TSPAN5: variants seen among roughly 807,000 people sequenced by gnomAD.
The protein encoded by TSPAN5 is tetraspanin-5.
TSPAN5 carries 10 observed loss-of-function variants against 37.1 expected under a neutral mutation model. The ratio of observed to expected loss-of-function variants is 0.27; its 90% CI spans 0.17 to 0.46. The LOEUF (loss-of-function observed/expected upper bound fraction) is 0.46. TSPAN5 is among the 20% of genes least tolerant of loss of function. TSPAN5 has a pLI of 1.00. For missense variants in TSPAN5, 195 were observed against 326.6 expected, an observed-to-expected ratio of 0.60 and a Z score of 3.11; for synonymous variants, 110 against 118.9, an observed-to-expected ratio of 0.93 and a Z score of 0.48.
At chr4:98,523,047 CTTTTA>C (rs1388594898) in intron 1 of TSPAN5, among the ~76,000 whole-genome samples, 1 of 152,160 alleles carries the variant, frequency 6.6e-6, no homozygotes, top group Non-Finnish European at 1.5e-5. Flanking sequence ...ACAAATCATT[CTTTTA>C]TATGTTCTTT....
chr4:98,520,410 T>C (rs1044262978), intron 1 of TSPAN5, among the ~76,000 whole-genome samples: 3 of 152,296 alleles, frequency 2.0e-5, no homozygotes, highest in Non-Finnish European at 4.4e-5. Flanking sequence ...CTAGGTAAGA[T>C]GAGTTGGGAG....
At chr4:98,557,244 G>A (rs1372235880) in intron 1 of TSPAN5, among the ~76,000 whole-genome samples, 2 of 152,092 alleles carry the variant, frequency 1.3e-5, no homozygotes, top group African/African-American at 2.4e-5. Flanking sequence ...AATACAAATA[G>A]GTCTGTGGTC....
chr4:98,569,589 T>C (rs1755076371), intron 1 of TSPAN5, among the ~76,000 whole-genome samples: 1 of 152,192 alleles, frequency 6.6e-6, no homozygotes, highest in East Asian at 1.9e-4. Flanking sequence ...CAGTGTAAAC[T>C]AGAGTAGAGG....
chr4:98,550,935 TG>T (rs1173740622), intron 1 of TSPAN5, among the ~76,000 whole-genome samples: 1 of 152,202 alleles, frequency 6.6e-6, no homozygotes, highest in Non-Finnish European at 1.5e-5. Flanking sequence ...GTCATGAAAG[TG>T]GGCATGCTTC....
intron 1 of TSPAN5, among the ~76,000 whole-genome samples, chr4:98,594,235 CTGTT>C (rs1300901646): frequency 1.5e-5 from 2 of 132,518 alleles, no homozygotes; most frequent in East Asian, 2.1e-4. Context: ...ATTTGGCTCT[CTGTT>C]TGTCTGTTGT....
intron 1 of TSPAN5, among the ~76,000 whole-genome samples, chr4:98,561,316 A>C (rs1754878272): frequency 6.6e-6 from 1 of 152,260 alleles, no homozygotes; most frequent in African/African-American, 2.4e-5. Flanking sequence ...TTGGGAGGCC[A>C]AGGTGGGCGG....
chr4:98,493,456 A>C (rs536305796), intron 2 of TSPAN5, among the ~76,000 whole-genome samples: 13 of 152,340 alleles, frequency 8.5e-5, no homozygotes, highest in African/African-American at 3.1e-4. Context: ...AACGGGCCAC[A>C]CACAGTTATT....
chr4:98,579,395 T>C (rs9999318), intron 1 of TSPAN5, among the ~76,000 whole-genome samples: 2,777 of 152,244 alleles, frequency 0.018, 78 homozygotes, highest in African/African-American at 0.064. Flanking sequence ...ACTATTCTTT[T>C]AGGTGGACAG....
chr4:98,607,045 G>A (rs1269821194), intron 1 of TSPAN5, among the ~76,000 whole-genome samples: 1 of 152,058 alleles, frequency 6.6e-6, no homozygotes, highest in Non-Finnish European at 1.5e-5. Context: ...GCAGCCGGGG[G>A]ACCTGCCATC....
At chr4:98,496,937 G>A (rs1004592101) in intron 2 of TSPAN5, among the ~76,000 whole-genome samples, 2 of 152,104 alleles carry the variant, frequency 1.3e-5, no homozygotes, top group African/African-American at 2.4e-5. Context: ...CTAAGCCCCC[G>A]TGTGGTAGTA....
intron 1 of TSPAN5, among the ~76,000 whole-genome samples, chr4:98,551,498 T>C (rs1364561448): frequency 1.8e-4 from 26 of 146,536 alleles, no homozygotes; most frequent in African/African-American, 5.3e-4. Flanking sequence ...TTTTCTTTTT[T>C]TTTTTTTTTT....
At chr4:98,492,810 T>G (rs896880841) in intron 2 of TSPAN5, among the ~76,000 whole-genome samples, 1 of 152,232 alleles carries the variant, frequency 6.6e-6, no homozygotes, top group Non-Finnish European at 1.5e-5. Context: ...GTGATTTGTC[T>G]ATGTTACTGA....
chr4:98,494,775 C>A (rs7674194), intron 2 of TSPAN5, among the ~76,000 whole-genome samples: 10,139 of 152,092 alleles, frequency 0.067, 487 homozygotes, highest in Admixed American at 0.12. Flanking sequence ...TGGGTACTTG[C>A]CCTGCCTGAC....
chr4:98,584,616 G>A (rs1263446265), intron 1 of TSPAN5, among the ~76,000 whole-genome samples: 1 of 152,170 alleles, frequency 6.6e-6, no homozygotes, highest in African/African-American at 2.4e-5. Flanking sequence ...CCAAAATCCT[G>A]TACTGTATTT....
chr4:98,517,792 A>T (rs940509636), intron 1 of TSPAN5, among the ~76,000 whole-genome samples: 9 of 152,192 alleles, frequency 5.9e-5, no homozygotes, highest in African/African-American at 2.2e-4. Flanking sequence ...ACAGCCCACT[A>T]ATCTTTGCTT....
intron 4 of TSPAN5, among the ~76,000 whole-genome samples, chr4:98,479,853 T>C (rs1752796359): frequency 1.3e-5 from 2 of 152,222 alleles, no homozygotes; most frequent in African/African-American, 4.8e-5. Context: ...CACTATATTG[T>C]AAATTCTTAT....
chr4:98,647,732 T>A (rs1380921814), intron 1 of TSPAN5, among the ~76,000 whole-genome samples: 1 of 152,210 alleles, frequency 6.6e-6, no homozygotes. Flanking sequence ...TTATATTACT[T>A]AAAAATTATA....
Position 98,472,457 on chromosome 4 carries a change from C to A in TSPAN5, c.*65G>T. ...GGTCCATGCAGCTCGAAGATCAGTT[C>A]GGCACGCGGGAGGGTCCCGAAAGCT... is the stretch of plus-strand genomic sequence containing the variant. On this transcript the variant is annotated 3_prime_UTR_variant, in exon 8 of 8. Transcript: ENST00000305798. 1.4e-6 allele frequency: 2 copies of A among 1,461,988 alleles called. No homozygotes were observed. The highest frequency in any genetic ancestry group is 1.9e-6 in the Non-Finnish European group (2 of 1,047,840). The allele number at this position is 1,461,988 out of a possible 1,614,324, so 90.6% of individuals were successfully genotyped here.
At chr4:98,637,249 G>A (rs1028302781) in intron 1 of TSPAN5, among the ~76,000 whole-genome samples, 1 of 152,174 alleles carries the variant, frequency 6.6e-6, no homozygotes, top group Admixed American at 6.5e-5. Flanking sequence ...CAACTCCAGG[G>A]AGCATCACGC....
Sources: allele counts gnomAD v4.1 joint callset (sites outside exome capture counted in the v4.1 genomes callset), GRCh38; gene constraint gnomAD v4.1.1; transcripts MANE v1.5; gene names NCBI Gene and HGNC (gene_info 2026-07-23, HGNC 2026-07-21).